Variants in MDGA2 observed in about 807,000 individuals in gnomAD.
MDGA2 encodes the protein MAM domain-containing glycosylphosphatidylinositol anchor protein 2.
In MDGA2, 40 loss-of-function variants were observed where a neutral mutation model predicts 117.8. That is an observed-to-expected ratio of 0.34 (90% CI 0.26 to 0.44). The LOEUF is 0.44. MDGA2 is among the 20% of genes least tolerant of loss of function. The pLI, the probability that MDGA2 is intolerant of heterozygous loss-of-function variation, is 1.00. For synonymous variants in MDGA2, 452 were observed against 439.0 expected (o/e 1.03, Z -0.37); for missense variants, 1,123 against 1,250.6 (o/e 0.90, Z 1.54).
chr14:47,335,284 T>TAA lies in MDGA2; in HGVS notation c.281-33736_281-33735dup, dbSNP rs35051327. On this transcript the variant is annotated intron_variant, in intron 1 of 16. Coordinates refer to ENST00000399232, the MANE Select transcript of MDGA2 (RefSeq NM_001113498.3). Reference sequence around the variant, plus strand: ...ACACAGAAAAAAAAAAAGTATATGGTAAAAAAAAAAAAAAAAAAAGGTTTC... The same window carrying TAA: ...ACACAGAAAAAAAAAAAGTATATGGTAAAAAAAAAAAAAAAAAAAAAGGTTTC... Among the ~76,000 whole-genome samples the TAA allele has an allele frequency of 1.9e-3, 203 of 107,816 alleles. 1 individual carries two copies. Among genetic ancestry groups the TAA allele is most frequent in the Middle Eastern group, 5.6e-3 (1 of 178 alleles). The allele number at this position is 107,816 out of a possible 152,430, so 70.7% of individuals were successfully genotyped here.
intron 1 of MDGA2, among the ~76,000 whole-genome samples, chr14:47,426,464 G>T (rs1892691662): frequency 6.6e-6 from 1 of 151,218 alleles, no homozygotes; most frequent in South Asian, 2.1e-4. Flanking sequence ...AGATGATCTG[G>T]GTATAACTGT....
At chr14:47,004,082 T>C (rs567331336) in intron 8 of MDGA2, among the ~76,000 whole-genome samples, 1 of 152,044 alleles carries the variant, frequency 6.6e-6, no homozygotes, top group South Asian at 2.1e-4. Flanking sequence ...TCAGAATATG[T>C]AAAGGTGTTT....
At chr14:47,239,930 T>G (rs987750342) in intron 2 of MDGA2, among the ~76,000 whole-genome samples, 1 of 151,814 alleles carries the variant, frequency 6.6e-6, no homozygotes, top group African/African-American at 2.4e-5. Flanking sequence ...ATTTCAGTCC[T>G]TGAAACATAT....
chr14:47,194,644 A>G (rs1352883140), intron 3 of MDGA2, among the ~76,000 whole-genome samples: 1 of 152,104 alleles, frequency 6.6e-6, no homozygotes, highest in Non-Finnish European at 1.5e-5. Flanking sequence ...AACCAATAAT[A>G]AAACTACAGT....
At chr14:47,265,224 G>T (rs2139684405) in intron 2 of MDGA2, among the ~76,000 whole-genome samples, 1 of 152,142 alleles carries the variant, frequency 6.6e-6, no homozygotes, top group South Asian at 2.1e-4. Flanking sequence ...AATTTCAAAA[G>T]CATTTGTAAT....
At chr14:47,333,847 T>C (rs1014304949) in intron 1 of MDGA2, among the ~76,000 whole-genome samples, 15 of 151,882 alleles carry the variant, frequency 9.9e-5, no homozygotes, top group African/African-American at 3.4e-4. Flanking sequence ...AAAAATACTC[T>C]GTGCCTACAT....
intron 1 of MDGA2, among the ~76,000 whole-genome samples, chr14:47,549,935 T>A (rs1895548692): frequency 1.3e-5 from 2 of 152,218 alleles, no homozygotes; most frequent in Non-Finnish European, 2.9e-5. Context: ...TTTGCTGTTG[T>A]TTAAGCCATT....
At chr14:47,665,059 G>A (rs1897918402) in intron 1 of MDGA2, among the ~76,000 whole-genome samples, 1 of 152,094 alleles carries the variant, frequency 6.6e-6, no homozygotes, top group African/African-American at 2.4e-5. Flanking sequence ...TAAAGAAATT[G>A]CTGAGGCTTT....
chr14:47,647,796 C>A (rs564253273), intron 1 of MDGA2, among the ~76,000 whole-genome samples: 78 of 152,090 alleles, frequency 5.1e-4, no homozygotes, highest in Non-Finnish European at 1.0e-3. Context: ...AACATGAAAT[C>A]AGCTATATAC....
intron 1 of MDGA2, among the ~76,000 whole-genome samples, chr14:47,591,716 T>C (rs948220111): frequency 6.6e-6 from 1 of 152,102 alleles, no homozygotes; most frequent in Non-Finnish European, 1.5e-5. Context: ...GAAAGAGCCT[T>C]CAATAAAATT....
chr14:47,455,496 ACT>A (rs1893330494), intron 1 of MDGA2, among the ~76,000 whole-genome samples: 1 of 152,092 alleles, frequency 6.6e-6, no homozygotes, highest in Non-Finnish European at 1.5e-5. Flanking sequence ...ACACAGCAAG[ACT>A]CTGTCTCAAA....
chr14:47,447,879 G>A (rs1255001139), intron 1 of MDGA2, among the ~76,000 whole-genome samples: 1 of 152,124 alleles, frequency 6.6e-6, no homozygotes, highest in Admixed American at 6.6e-5. Context: ...TCATTTGACT[G>A]GAGGATATGT....
At chr14:47,631,464 CTT>C (rs907505214) in intron 1 of MDGA2, among the ~76,000 whole-genome samples, 1 of 152,188 alleles carries the variant, frequency 6.6e-6, no homozygotes, top group Admixed American at 6.5e-5. Flanking sequence ...GAAAAGCCCT[CTT>C]TGTCATCACA....
chr14:47,410,342 A>C (rs997714884), intron 1 of MDGA2, among the ~76,000 whole-genome samples: 1 of 152,202 alleles, frequency 6.6e-6, no homozygotes, highest in Non-Finnish European at 1.5e-5. Context: ...TTTAACAAGC[A>C]TGTTAAAAGT....
Position 47,178,882 on chromosome 14 carries a change from C to T in MDGA2, c.596-34608G>A, listed in dbSNP as rs118105761. ...TGTTCCAGGTAGAGGGAACAGTATA[C>T]TGTTGTATACAGTATACAAGTACCT... On this transcript the variant is annotated intron_variant, in intron 3 of 16. Transcript: ENST00000399232. Among the ~76,000 whole-genome samples, 1,069 of 152,156 alleles carry T rather than the reference C, an allele frequency of 7.0e-3. 7 individuals are homozygous for T. Among genetic ancestry groups the T allele is most frequent in the Middle Eastern group, 0.014 (4 of 294 alleles).
intron 4 of MDGA2, among the ~76,000 whole-genome samples, chr14:47,138,839 AG>A (rs1882580025): frequency 6.6e-6 from 1 of 152,124 alleles, no homozygotes; most frequent in Admixed American, 6.6e-5. Flanking sequence ...TTTAGTAGTA[AG>A]TGAGTGGAAG....
chr14:46,867,104 G>A (rs1327474259), intron 14 of MDGA2, among the ~76,000 whole-genome samples: 2 of 152,154 alleles, frequency 1.3e-5, no homozygotes, highest in Non-Finnish European at 2.9e-5. Flanking sequence ...TATGTTTATT[G>A]TGGCACTTTT....
chr14:47,535,061 T>C (rs1221282854), intron 1 of MDGA2, among the ~76,000 whole-genome samples: 2 of 152,228 alleles, frequency 1.3e-5, no homozygotes, highest in Non-Finnish European at 2.9e-5. Context: ...ACATGTTTTT[T>C]ACTTCTGTTT....
intron 1 of MDGA2, among the ~76,000 whole-genome samples, chr14:47,338,915 T>C (rs1007556273): frequency 2.0e-5 from 3 of 152,166 alleles, no homozygotes; most frequent in African/African-American, 7.2e-5. Flanking sequence ...TGTACAGTCC[T>C]TTCTAACTGG....
Sources: allele counts gnomAD v4.1 joint callset (sites outside exome capture counted in the v4.1 genomes callset), GRCh38; gene constraint gnomAD v4.1.1; transcripts MANE v1.5; gene names NCBI Gene and HGNC (gene_info 2026-07-23, HGNC 2026-07-21).